The following RIN3 variants were observed in gnomAD, a reference collection of about 807,000 sequenced individuals.
The protein encoded by RIN3 is RAB5 interacting protein 3.
In RIN3, 54 loss-of-function variants were observed where a neutral mutation model predicts 76.3. That is an observed-to-expected ratio of 0.71 (90% CI 0.57 to 0.89). The LOEUF (loss-of-function observed/expected upper bound fraction) is 0.89, where lower values mean the gene tolerates loss of function less well. Ranked by LOEUF, RIN3 falls within the 40% of genes least tolerant of loss-of-function variation. The pLI, the probability that RIN3 is intolerant of heterozygous loss-of-function variation, is 0.00. For missense variants in RIN3, 1,256 were observed against 1,322.1 expected (o/e 0.95, Z 0.78); for synonymous variants, 576 against 564.0 (o/e 1.02, Z -0.30).
At chr14:92,534,844 TC>T (rs975161683) in intron 1 of RIN3, among the ~76,000 whole-genome samples, 1 of 152,142 alleles carries the variant, frequency 6.6e-6, no homozygotes, top group Non-Finnish European at 1.5e-5. Flanking sequence ...TTTTTATTGT[TC>T]CCCCTGAAGT....
In RIN3 at chr14:92,527,941, C is replaced by G. The variant is rs546762893; in HGVS notation, c.44+13965C>G. Among the ~76,000 whole-genome samples the G allele has an allele frequency of 2.0e-5, 3 of 152,188 alleles. No individual in the cohort carries two copies. In the East Asian group the frequency reaches 5.8e-4, roughly 29 times the overall value. ...TTCCAGTTTGGGGCGATGACAAATA[C>G]AGGCACTAACAAACGTTTGCATGTA... On this transcript the variant is annotated intron_variant, in intron 1 of 9. Coordinates refer to ENST00000216487, the MANE Select transcript of RIN3 (RefSeq NM_024832.5).
At chr14:92,524,523 C>G (rs960468857) in intron 1 of RIN3, among the ~76,000 whole-genome samples, 1 of 152,198 alleles carries the variant, frequency 6.6e-6, no homozygotes, top group Non-Finnish European at 1.5e-5. Flanking sequence ...TCAACAACAG[C>G]CTAAGACCAC....
chr14:92,639,912 G>GTGTGCTCGTCAGAGGCTGCCTGAC (rs1886931076), intron 4 of RIN3, among the ~76,000 whole-genome samples: 1 of 143,622 alleles, frequency 7.0e-6, no homozygotes, highest in African/African-American at 2.6e-5. Context: ...CTGCCTGACT[G>GTGTGCTCGTCAGAGGCTGCCTGAC]TGCGTTCGTC....
intron 3 of RIN3, among the ~76,000 whole-genome samples, chr14:92,606,145 CAA>C (rs10573887): frequency 0.046 from 4,386 of 95,866 alleles, 54 homozygotes; most frequent in African/African-American, 0.081. Context: ...GAGCCAGTCT[CAA>C]AAAAAAAAAA....
At chr14:92,630,280 CAGG>C (rs1451753455) in intron 4 of RIN3, among the ~76,000 whole-genome samples, 2 of 152,172 alleles carry the variant, frequency 1.3e-5, no homozygotes, top group Admixed American at 6.5e-5. Context: ...CACTTGACGT[CAGG>C]AGTTCTCAAG....
intron 7 of RIN3, among the ~76,000 whole-genome samples, chr14:92,661,180 C>T (rs934761691): frequency 2.0e-5 from 3 of 152,188 alleles, no homozygotes; most frequent in African/African-American, 7.2e-5. Context: ...ATGGTGGCCT[C>T]CATGCACAGC....
At chr14:92,590,050 T>A (rs541511223) in intron 3 of RIN3, among the ~76,000 whole-genome samples, 2 of 152,278 alleles carry the variant, frequency 1.3e-5, no homozygotes, top group East Asian at 3.9e-4. Context: ...ACCCAATGTG[T>A]AACTGATGAA....
intron 1 of RIN3, among the ~76,000 whole-genome samples, chr14:92,517,107 C>T (rs1032796085): frequency 1.3e-5 from 2 of 152,162 alleles, no homozygotes; most frequent in Admixed American, 6.5e-5. Flanking sequence ...TGGAAGATTC[C>T]ACCTGTCATG....
Position 92,643,347 on chromosome 14 carries a change from C to T in RIN3, c.532+2018C>T, listed in dbSNP as rs572927901. Among the ~76,000 whole-genome samples the T allele has an allele frequency of 1.8e-4, 28 of 152,268 alleles. No individual in the cohort carries two copies. Among genetic ancestry groups the T allele is most frequent in the Admixed American group, 5.9e-4 (9 of 15,298 alleles). ...GATTACAGGCGTGAGCCACCACACC[C>T]GGCCGCCTCTTAGCTCTTTATCCAA... On this transcript the variant is annotated intron_variant, in intron 5 of 9. Transcript: ENST00000216487. This position sits in a 1 kb window ranked among gnomAD's most constrained non-coding sequence, Gnocchi z 4.8.
chr14:92,514,015 C>T lies in RIN3; in HGVS notation c.44+39C>T. 8.3e-7 allele frequency: 1 copy of T among 1,207,780 alleles called. No individual in the cohort carries two copies. Among genetic ancestry groups the T allele is most frequent in the Non-Finnish European group, 1.0e-6 (1 of 964,052 alleles). The allele number at this position is 1,207,780 out of a possible 1,614,324, so 74.8% of individuals were successfully genotyped here. On this transcript the variant is annotated intron_variant, in intron 1 of 9. Transcript: ENST00000216487. This position sits in a 1 kb window ranked among gnomAD's most constrained non-coding sequence, Gnocchi z 7.2. ...GCCGCCCCCTCCTCCCTCGCGATCC[C>T]CACGGCCCGCGTCCTGGCCGCCCCA...
chr14:92,655,001 C>T (rs546398219), intron 6 of RIN3, among the ~76,000 whole-genome samples: 14 of 152,094 alleles, frequency 9.2e-5, no homozygotes, highest in African/African-American at 3.1e-4. Context: ...CCCATCTCTA[C>T]TAAAAATACA....
At chr14:92,573,053 T>C (rs1898108260) in intron 2 of RIN3, among the ~76,000 whole-genome samples, 1 of 152,030 alleles carries the variant, frequency 6.6e-6, no homozygotes, top group African/African-American at 2.4e-5. Flanking sequence ...GACTAATTTT[T>C]GTATTGTTAG....
At chr14:92,580,975 A>G (rs1721123259) in intron 3 of RIN3, among the ~76,000 whole-genome samples, 1 of 152,214 alleles carries the variant, frequency 6.6e-6, no homozygotes, top group African/African-American at 2.4e-5. Context: ...GTTGGGGCAA[A>G]TCATTTATAT....
At chr14:92,649,541 A>T (rs1364482765) in intron 5 of RIN3, among the ~76,000 whole-genome samples, 1 of 152,136 alleles carries the variant, frequency 6.6e-6, no homozygotes, top group Non-Finnish European at 1.5e-5. Context: ...GCCTGTGTAG[A>T]CATGGGCACA....
At chr14:92,602,072 A>G (rs1443201767) in intron 3 of RIN3, among the ~76,000 whole-genome samples, 1 of 152,254 alleles carries the variant, frequency 6.6e-6, no homozygotes, top group Non-Finnish European at 1.5e-5. Flanking sequence ...GCTTGCAGCA[A>G]CGACGAGCCC....
chr14:92,540,665 A>G (rs1362457910), intron 1 of RIN3, among the ~76,000 whole-genome samples: 1 of 152,078 alleles, frequency 6.6e-6, no homozygotes, highest in African/African-American at 2.4e-5. Context: ...GCTGTGGCTC[A>G]GCTTCACACA....
intron 5 of RIN3, among the ~76,000 whole-genome samples, chr14:92,650,623 C>A (rs1216563950): frequency 6.6e-6 from 1 of 152,218 alleles, no homozygotes; most frequent in Non-Finnish European, 1.5e-5. Context: ...AGACCTGGGA[C>A]CCTTGTTTCT....
At chr14:92,560,975 C>G (rs560674006) in intron 2 of RIN3, among the ~76,000 whole-genome samples, 88 of 131,882 alleles carry the variant, frequency 6.7e-4, no homozygotes, top group African/African-American at 2.4e-3. Flanking sequence ...GAGCCGAGAT[C>G]GCACCACTGC....
chr14:92,667,938 G>A (rs952494593), intron 7 of RIN3, among the ~76,000 whole-genome samples: 4 of 152,130 alleles, frequency 2.6e-5, no homozygotes, highest in African/African-American at 9.7e-5. Flanking sequence ...TCACAACCTC[G>A]CTTTTTTACC....
Sources: gnomAD v4.1 joint callset for allele counts (sites outside exome capture counted in the v4.1 genomes callset) on GRCh38, gnomAD v4.1.1 for gene constraint, Gnocchi (gnomAD v3.1) non-coding constraint, MANE v1.5 for transcripts, NCBI Gene and HGNC (gene_info 2026-07-23, HGNC 2026-07-21) for gene names.